Variants in CACNG2 observed in about 807,000 individuals in gnomAD.
CACNG2 encodes calcium voltage-gated channel auxiliary subunit gamma 2, also known as voltage-dependent calcium channel gamma-2 subunit.
A neutral mutation model predicts 25.9 loss-of-function variants in CACNG2; 3 were observed. That is an observed-to-expected ratio of 0.12 (90% CI 0.05 to 0.30). The LOEUF is 0.30. Among genes scored for constraint, CACNG2 ranks in the 10% least tolerant of loss-of-function variants. CACNG2 has a pLI of 1.00. For synonymous variants in CACNG2, 167 were observed against 173.3 expected (o/e 0.96, Z 0.29); for missense variants, 341 against 432.5 (o/e 0.79, Z 1.88).
At chr22:36,610,670 G>A (rs1299565149) in intron 1 of CACNG2, among the ~76,000 whole-genome samples, 1 of 152,170 alleles carries the variant, frequency 6.6e-6, no homozygotes, top group Non-Finnish European at 1.5e-5. Flanking sequence ...ATGAGAAAGC[G>A]GGGCCACCTC....
chr22:36,570,695 G>A (rs757660813), intron 2 of CACNG2, among the ~76,000 whole-genome samples: 7 of 150,892 alleles, frequency 4.6e-5, no homozygotes, highest in Non-Finnish European at 7.4e-5. Flanking sequence ...CTTGGGAGGC[G>A]GAGGTTGCAG....
intron 1 of CACNG2, among the ~76,000 whole-genome samples, chr22:36,642,676 T>A: frequency 6.6e-6 from 1 of 152,232 alleles, no homozygotes; most frequent in East Asian, 1.9e-4. Flanking sequence ...CATCCTCATC[T>A]GTCCTTAGAC....
intron 1 of CACNG2, among the ~76,000 whole-genome samples, chr22:36,697,539 T>TTGTTC (rs1937355966): frequency 6.6e-6 from 1 of 152,158 alleles, no homozygotes; most frequent in South Asian, 2.1e-4. Flanking sequence ...CTTTGGTGTG[T>TTGTTC]TGTTCATTCC....
intron 1 of CACNG2, among the ~76,000 whole-genome samples, chr22:36,673,686 A>G (rs559255932): frequency 3.3e-5 from 5 of 152,244 alleles, no homozygotes; most frequent in Non-Finnish European, 7.4e-5. Flanking sequence ...GAGCCAGAGC[A>G]GAGGACCGCA....
At chr22:36,587,260 A>G (rs1935520123) in intron 2 of CACNG2, among the ~76,000 whole-genome samples, 1 of 152,210 alleles carries the variant, frequency 6.6e-6, no homozygotes, top group African/African-American at 2.4e-5. Flanking sequence ...GGAGTTTGCC[A>G]GACAAAGACG....
At chr22:36,615,683 G>C (rs1211981219) in intron 1 of CACNG2, among the ~76,000 whole-genome samples, 1 of 152,090 alleles carries the variant, frequency 6.6e-6, no homozygotes, top group Non-Finnish European at 1.5e-5. Context: ...GACGATCCAC[G>C]AGGGCGGGGC....
At chr22:36,671,700 C>T (rs946999075) in intron 1 of CACNG2, among the ~76,000 whole-genome samples, 5 of 152,174 alleles carry the variant, frequency 3.3e-5, no homozygotes, top group African/African-American at 1.2e-4. Flanking sequence ...TTTCCCAGGA[C>T]ACCCAGAGGC....
chr22:36,702,473 T>C lies in CACNG2; in HGVS notation c.104A>G (p.Tyr35Cys). 1 of 1,613,978 alleles carries C rather than the reference T, an allele frequency of 6.2e-7. No individual in the cohort carries two copies. The highest frequency in any genetic ancestry group is 8.5e-7 in the Non-Finnish European group (1 of 1,179,946). Residue 35 changes from tyrosine (Y) to cysteine (C), a missense_variant, in exon 1 of 4, where the codon TAC becomes TGC. Tyr to Cys is a radical substitution (Grantham distance 194). Transcript: ENST00000300105. ...TIAVGTDYWL[Y>C]SRGVCKTKSV... ...TTTGGTCTTGCAAACCCCTCTGGAGTAGAGCCAATAGTCGGTTCCCACAGC... is the reference window on the plus strand; with the variant it reads ...TTTGGTCTTGCAAACCCCTCTGGAGCAGAGCCAATAGTCGGTTCCCACAGC...
At chr22:36,655,303 AC>A (rs1266406429) in intron 1 of CACNG2, among the ~76,000 whole-genome samples, 1 of 152,148 alleles carries the variant, frequency 6.6e-6, no homozygotes, top group Non-Finnish European at 1.5e-5. Flanking sequence ...GAGAATATCA[AC>A]TTTTCTACCT....
intron 1 of CACNG2, among the ~76,000 whole-genome samples, chr22:36,648,426 C>T (rs899162781): frequency 3.3e-5 from 5 of 152,202 alleles, no homozygotes; most frequent in South Asian, 2.1e-4. Context: ...ACGAAATAAA[C>T]GACCCTCTCT....
chr22:36,574,510 G>A (rs1199992610), intron 2 of CACNG2, among the ~76,000 whole-genome samples: 2 of 152,204 alleles, frequency 1.3e-5, no homozygotes, highest in East Asian at 1.9e-4. Flanking sequence ...CCTGGGCGAG[G>A]TGGCTCACGC....
At chr22:36,654,483 T>C (rs1936675363) in intron 1 of CACNG2, among the ~76,000 whole-genome samples, 1 of 152,114 alleles carries the variant, frequency 6.6e-6, no homozygotes, top group Non-Finnish European at 1.5e-5. Context: ...CCTCCTGCCT[T>C]GGCCTCCAAA....
intron 1 of CACNG2, among the ~76,000 whole-genome samples, chr22:36,653,978 GTC>G (rs1189381417): frequency 9.0e-5 from 7 of 77,416 alleles, no homozygotes; most frequent in Non-Finnish European, 1.3e-4. Context: ...GTGTGTGTGT[GTC>G]TCTGTGTGTG....
At chr22:36,593,750 G>A (rs1385532859) in intron 1 of CACNG2, among the ~76,000 whole-genome samples, 1 of 152,062 alleles carries the variant, frequency 6.6e-6, no homozygotes, top group Admixed American at 6.5e-5. Context: ...GTCACTGTGC[G>A]ATTGGTCCCA....
rs1358711475 is a variant in CACNG2, at chr22:36,562,603, G to A, written c.*1748C>T. The stretch of plus-strand genomic sequence containing the variant: ...GTTGTTGTCGTCCATGGCTTTGGAG[G>A]GCATGAGTCAATTTCCTTTGAGCCA... On this transcript the variant is annotated 3_prime_UTR_variant, in exon 4 of 4. Transcript: ENST00000300105. 1 of 152,164 alleles carries A rather than the reference G, an allele frequency of 6.6e-6. No homozygotes were observed. The highest frequency in any genetic ancestry group is 1.5e-5 in the Non-Finnish European group (1 of 68,050). 9.4% of individuals were successfully genotyped at this position (152,164 alleles called of 1,614,324 possible).
At chr22:36,617,562 A>G (rs4821511) in intron 1 of CACNG2, among the ~76,000 whole-genome samples, 105,645 of 149,800 alleles carry the variant, frequency 0.71, 37,666 homozygotes, top group East Asian at 0.82. Flanking sequence ...ATATATAATC[A>G]TATCTGCCCC....
chr22:36,565,104 A>T (rs1258795099), intron 3 of CACNG2, among the ~76,000 whole-genome samples: 1 of 152,210 alleles, frequency 6.6e-6, no homozygotes, highest in Non-Finnish European at 1.5e-5. Flanking sequence ...GGAAGCGCTA[A>T]TGGAAACAGA....
chr22:36,619,837 G>A (rs1018149664), intron 1 of CACNG2, among the ~76,000 whole-genome samples: 3 of 152,240 alleles, frequency 2.0e-5, no homozygotes, highest in Admixed American at 6.5e-5. Flanking sequence ...TAATCTGAGG[G>A]TCGATTGTTG....
At chr22:36,605,083 CT>C (rs548985572) in intron 1 of CACNG2, among the ~76,000 whole-genome samples, 48 of 151,664 alleles carry the variant, frequency 3.2e-4, no homozygotes, top group Middle Eastern at 3.4e-3. Flanking sequence ...CCCAACATAA[CT>C]TTTTTTTTGA....
Sources: allele counts gnomAD v4.1 joint callset (sites outside exome capture counted in the v4.1 genomes callset), GRCh38; gene constraint gnomAD v4.1.1; transcripts MANE v1.5; gene names NCBI Gene and HGNC (gene_info 2026-07-23, HGNC 2026-07-21).